The following PIKFYVE variants were observed in gnomAD, a reference collection of about 807,000 sequenced individuals.
PIKFYVE encodes the protein 1-phosphatidylinositol 3-phosphate 5-kinase.
PIKFYVE carries 122 observed loss-of-function variants against 257.9 expected under a neutral mutation model. The observed-to-expected ratio is 0.47, with a 90% CI of 0.41 to 0.55. The LOEUF (loss-of-function observed/expected upper bound fraction) is 0.55. Ranked by LOEUF, PIKFYVE falls within the 20% of genes least tolerant of loss-of-function variation. PIKFYVE has a pLI of 0.00. For missense variants in PIKFYVE, 2,160 were observed against 2,536.6 expected (o/e 0.85, Z 3.19); for synonymous variants, 892 against 868.9 (o/e 1.03, Z -0.47).
chr2:208,294,155 C>G (rs1692671152), intron 7 of PIKFYVE, among the ~76,000 whole-genome samples: 1 of 152,076 alleles, frequency 6.6e-6, no homozygotes, highest in African/African-American at 2.4e-5. Flanking sequence ...GTTGAGATAG[C>G]CTCAAGTTCA....
intron 16 of PIKFYVE, among the ~76,000 whole-genome samples, chr2:208,319,991 AAAAGTT>A (rs1340529008): frequency 6.6e-6 from 1 of 151,954 alleles, no homozygotes; most frequent in Non-Finnish European, 1.5e-5. Flanking sequence ...AAATAAAAAA[AAAAGTT>A]AAAGAGTATA....
chr2:208,277,647 G>T lies in PIKFYVE; in HGVS notation c.552G>T (p.Gly184=). The change falls in exon 5 of 42, where the codon GGG becomes GGT. Residue 184 remains glycine (G), a synonymous_variant. Transcript: ENST00000264380. Reference sequence around the variant, plus strand: ...GCAGACACCATTGCCGACTATGTGGGCAGATTTTCTGCAGTCGTTGCTGTA... The same window carrying T: ...GCAGACACCATTGCCGACTATGTGGTCAGATTTTCTGCAGTCGTTGCTGTA... ...FRRRHHCRLC[G]QIFCSRCCNQ... is the part of the protein sequence containing the mutation. 1.2e-6 allele frequency: 2 copies of T among 1,613,908 alleles called. No homozygotes were observed. Among genetic ancestry groups the T allele is most frequent in the Non-Finnish European group, 8.5e-7 (1 of 1,179,836 alleles).
chr2:208,328,334 TAAA>T, intron 21 of PIKFYVE, 54 bp downstream of exon 21: 1 of 1,594,264 alleles, frequency 6.3e-7, no homozygotes, highest in South Asian at 1.1e-5. Flanking sequence ...TTCCAGCAAT[TAAA>T]AAAAAACAAA....
At chr2:208,288,614 A>T (rs1691890078) in intron 6 of PIKFYVE, 115 bp from the exon 7 acceptor site, 1 of 1,468,624 alleles carries the variant, frequency 6.8e-7, no homozygotes, top group African/African-American at 1.4e-5. Context: ...AAAATGACAC[A>T]TAATCTCATT....
Position 208,325,821 on chromosome 2 carries a change from G to A in PIKFYVE, c.3010G>A (p.Val1004Met). 2 of 1,614,004 alleles carry A rather than the reference G, an allele frequency of 1.2e-6. No homozygotes were observed. Among genetic ancestry groups the A allele is most frequent in the Non-Finnish European group, 8.5e-7 (1 of 1,179,930 alleles). Residue 1004 changes from valine to methionine, a missense_variant, in exon 20 of 42, where the codon GTG becomes ATG. Val to Met is a conservative substitution (Grantham distance 21). This residue lies in a region of PIKFYVE where 522 missense variants were observed against 514.6 expected (regional missense o/e 1.01). Transcript: ENST00000264380. Reference protein sequence around the residue: ...EQPETLQQTVVLQDPKSQIRA... With the variant: ...EQPETLQQTVMLQDPKSQIRA... Reference sequence around the variant, plus strand: ...GCCAGAGACTTTGCAGCAAACAGTTGTGCTGCAGGATCCCAAAAGCCAGAT... The same window carrying A: ...GCCAGAGACTTTGCAGCAAACAGTTATGCTGCAGGATCCCAAAAGCCAGAT...
At chr2:208,346,996 TG>T (rs1699293678) in intron 34 of PIKFYVE, among the ~76,000 whole-genome samples, 1 of 152,208 alleles carries the variant, frequency 6.6e-6, no homozygotes. Flanking sequence ...CACTCCTGAC[TG>T]AAAGAGACAG....
At chr2:208,312,617 A>G (rs141437204) in intron 13 of PIKFYVE, among the ~76,000 whole-genome samples, 82 of 152,366 alleles carry the variant, frequency 5.4e-4, no homozygotes, top group Non-Finnish European at 9.0e-4. Flanking sequence ...TTAAGTATTG[A>G]TATAAATATC....
At chr2:208,281,083 C>T (rs1251719755) in intron 5 of PIKFYVE, among the ~76,000 whole-genome samples, 1 of 152,222 alleles carries the variant, frequency 6.6e-6, no homozygotes, top group African/African-American at 2.4e-5. Flanking sequence ...GATTCGGGGC[C>T]TCCCCTCACA....
intron 12 of PIKFYVE, 50 bp from the exon 13 acceptor site, chr2:208,312,186 C>G (rs760331491): frequency 1.5e-6 from 2 of 1,294,412 alleles, no homozygotes; most frequent in South Asian, 1.2e-5. Flanking sequence ...ATGTTATAGT[C>G]ATATGTCTCT....
Position 208,352,646 on chromosome 2 carries a change from T to A in PIKFYVE, c.5716-8T>A. 1 of 1,613,112 alleles carries A rather than the reference T, an allele frequency of 6.2e-7. No homozygotes were observed. The highest frequency in any genetic ancestry group is 8.5e-7 in the Non-Finnish European group (1 of 1,179,466). On this transcript the variant is annotated splice_region_variant and splice_polypyrimidine_tract_variant and intron_variant, in intron 38 of 41. Coordinates refer to ENST00000264380, the MANE Select transcript of PIKFYVE (RefSeq NM_015040.4). ...GATAAGAATTTATTTTGACCTTCTC[T>A]TGATTAGAGGCCCACGGCGTTGGCC...
chr2:208,337,597 C>G (rs528552379), intron 28 of PIKFYVE, among the ~76,000 whole-genome samples: 2 of 151,824 alleles, frequency 1.3e-5, no homozygotes, highest in Non-Finnish European at 2.9e-5. Context: ...ATCTATCTAT[C>G]TAGATAGATA....
In PIKFYVE at chr2:208,298,651, A is replaced by T; in HGVS notation, c.922A>T (p.Ile308Phe). ...TGTTTTTATTTCCAGATCAGCCAGC[A>T]TTACTAACCTGTCACTGGATAGATC... ...KSPARNRSAS[I>F]TNLSLDRSGS... The change falls in exon 8 of 42, where the codon ATT becomes TTT. Residue 308 changes from isoleucine to phenylalanine, a missense_variant. Transcript: ENST00000264380. 1 of 1,614,160 alleles carries T rather than the reference A, an allele frequency of 6.2e-7. No homozygotes were observed. Among genetic ancestry groups the T allele is most frequent in the Non-Finnish European group, 8.5e-7 (1 of 1,179,988 alleles).
chr2:208,283,083 G>GCTA lies in PIKFYVE; in HGVS notation c.614-2641_614-2639dup, dbSNP rs368551750. On this transcript the variant is annotated intron_variant, in intron 5 of 41. Coordinates refer to ENST00000264380, the MANE Select transcript of PIKFYVE (RefSeq NM_015040.4). ...TGCTGTGCGGCTCGGTTCCTAACAG[G>GCTA]CTACGGACGGGGAGTAGTACATGTC... Among the ~76,000 whole-genome samples, 1,331 of 152,306 alleles carry GCTA rather than the reference G, an allele frequency of 8.7e-3. 11 individuals are homozygous for GCTA. The highest frequency in any genetic ancestry group is 0.03 in the African/African-American group (1,236 of 41,552).
intron 17 of PIKFYVE, among the ~76,000 whole-genome samples, chr2:208,321,447 C>G (rs1260972753): frequency 6.6e-6 from 1 of 152,110 alleles, no homozygotes. Context: ...ACTCTGTGAC[C>G]TGGGGCTGTT....
In PIKFYVE at chr2:208,271,595, C is replaced by T; in HGVS notation, c.76C>T (p.His26Tyr). The change falls in exon 2 of 42, where the codon CAT (histidine) becomes TAT (tyrosine). Residue 26 changes from histidine to tyrosine, a missense_variant. This residue lies in a region of PIKFYVE where 172 missense variants were observed against 180.6 expected (regional missense o/e 0.95). Transcript: ENST00000264380. ...GCCTCGATCTCCTACTAGTCCTTCT[C>T]ATCTCACACACTTTAAACCTTTGAC... ...DLPRSPTSPS[H>Y]LTHFKPLTPD... is the part of the protein sequence containing the mutation. The T allele has an allele frequency of 1.9e-6, 3 of 1,614,000 alleles. No individual in the cohort carries two copies. The highest frequency in any genetic ancestry group is 2.5e-6 in the Non-Finnish European group (3 of 1,179,848).
chr2:208,272,092 G>T (rs1274056748), intron 2 of PIKFYVE, among the ~76,000 whole-genome samples: 1 of 151,856 alleles, frequency 6.6e-6, no homozygotes, highest in African/African-American at 2.4e-5. Context: ...AAAATTAGCC[G>T]GGCATGGTGG....
At chr2:208,296,498 C>T (rs1693005952) in intron 7 of PIKFYVE, among the ~76,000 whole-genome samples, 2 of 152,054 alleles carry the variant, frequency 1.3e-5, no homozygotes, top group African/African-American at 2.4e-5. Context: ...TTCTAGACAT[C>T]CAAGTGAGAT....
At position 208,339,502 on chromosome 2, in the gene PIKFYVE, C is replaced by A. The variant is rs144799775; in HGVS notation, c.4757C>A (p.Ser1586Tyr). 2.3e-5 allele frequency: 37 copies of A among 1,614,042 alleles called. No homozygotes were observed. In the African/African-American group the frequency reaches 3.9e-4, roughly 17 times the overall value. Residue 1586 changes from serine to tyrosine, a missense_variant, in exon 30 of 42, where the codon TCT becomes TAT. Ser to Tyr is a moderately radical substitution (Grantham distance 144). Coordinates refer to ENST00000264380, the MANE Select transcript of PIKFYVE (RefSeq NM_015040.4). ...TTGCCTACGCCACCTGAAGTCATGT[C>A]TGAACAGTCAGTGGGAGGGCCCCCT... ...LQLPTPPEVM[S>Y]EQSVGGPPEL...
intron 13 of PIKFYVE, among the ~76,000 whole-genome samples, chr2:208,313,194 C>T (rs1695115804): frequency 6.6e-6 from 1 of 152,120 alleles, no homozygotes; most frequent in South Asian, 2.1e-4. Context: ...CACTTCTTTT[C>T]TTTCCACTTA....
Sources: allele counts gnomAD v4.1 joint callset (sites outside exome capture counted in the v4.1 genomes callset), GRCh38; gene constraint gnomAD v4.1.1; regional missense constraint gnomAD v4.1.1; transcripts MANE v1.5; gene names NCBI Gene and HGNC (gene_info 2026-07-23, HGNC 2026-07-21).